CDKN2B-AS1: variants seen among roughly 807,000 people sequenced by gnomAD.
The protein encoded by CDKN2B-AS1 is CDKN2B and CDKN2A antisense cis and trans regulatory RNA 1.
At chr9:22,078,843 T>C (rs1312304920) in intron 4 of CDKN2B-AS1, among the ~76,000 whole-genome samples, 1 of 152,228 alleles carries the variant, frequency 6.6e-6, no homozygotes, top group East Asian at 1.9e-4. Context: ...ATGCAGAGTT[T>C]TGAAACTCTT....
At chr9:22,059,225 G>A (rs1823702003) in intron 4 of CDKN2B-AS1, among the ~76,000 whole-genome samples, 1 of 152,200 alleles carries the variant, frequency 6.6e-6, no homozygotes, top group Admixed American at 6.5e-5. Context: ...TCTGAGACAA[G>A]GGTAGTCCCT....
intron 1 of CDKN2B-AS1, chr9:22,012,172 G>A (rs1001733234): frequency 7.3e-7 from 1 of 1,360,600 alleles, no homozygotes; most frequent in Non-Finnish European, 1.0e-6. Context: ...TCTTTGTGAA[G>A]ACCCTCACGG....
At chr9:22,125,175 T>C (rs1399113652) in intron 4 of CDKN2B-AS1, among the ~76,000 whole-genome samples, 1 of 152,222 alleles carries the variant, frequency 6.6e-6, no homozygotes, top group Non-Finnish European at 1.5e-5. Context: ...TAAATGCCTT[T>C]GGCTATCAGG....
At chr9:22,045,168 G>T (rs562322996) in intron 1 of CDKN2B-AS1, among the ~76,000 whole-genome samples, 1 of 151,612 alleles carries the variant, frequency 6.6e-6, no homozygotes. Flanking sequence ...AATAGGAGAA[G>T]GGGAAATATG....
intron 4 of CDKN2B-AS1, among the ~76,000 whole-genome samples, chr9:22,126,879 A>G (rs1364131800): frequency 6.6e-6 from 1 of 151,916 alleles, no homozygotes; most frequent in Admixed American, 6.6e-5. Flanking sequence ...TCTAAGGAGT[A>G]TCGAGAACAG....
intron 4 of CDKN2B-AS1, among the ~76,000 whole-genome samples, chr9:22,063,516 T>A (rs1172161409): frequency 6.6e-6 from 1 of 152,116 alleles, no homozygotes; most frequent in Non-Finnish European, 1.5e-5. Context: ...AGAGACCATA[T>A]GTTTGTTGTG....
At chr9:22,018,340 A>G (rs1821868304) in intron 1 of CDKN2B-AS1, among the ~76,000 whole-genome samples, 1 of 149,146 alleles carries the variant, frequency 6.7e-6, no homozygotes, top group African/African-American at 2.5e-5. Flanking sequence ...CTTTGACTGA[A>G]GCCATACTTA....
chr9:22,037,644 C>T (rs1822743937), intron 1 of CDKN2B-AS1, among the ~76,000 whole-genome samples: 1 of 151,996 alleles, frequency 6.6e-6, no homozygotes, highest in Admixed American at 6.6e-5. Context: ...AGACATTTTC[C>T]AGTCATATTT....
chr9:22,089,689 A>T (rs1824999743), intron 4 of CDKN2B-AS1, among the ~76,000 whole-genome samples: 2 of 151,830 alleles, frequency 1.3e-5, no homozygotes, highest in Admixed American at 6.6e-5. Flanking sequence ...GGCTCAAGTG[A>T]TCCTCCTACC....
At chr9:22,083,098 G>C (rs1824753905) in intron 4 of CDKN2B-AS1, among the ~76,000 whole-genome samples, 1 of 152,198 alleles carries the variant, frequency 6.6e-6, no homozygotes, top group African/African-American at 2.4e-5. Context: ...CTTGTTATAT[G>C]CCATGCCCTG....
intron 1 of CDKN2B-AS1, among the ~76,000 whole-genome samples, chr9:22,014,539 T>A (rs1821655958): frequency 6.6e-6 from 1 of 152,172 alleles, no homozygotes; most frequent in Non-Finnish European, 1.5e-5. Flanking sequence ...AAAGACAGGA[T>A]AAACCACTAG....
At chr9:22,069,046 T>C (rs1824180584) in intron 4 of CDKN2B-AS1, among the ~76,000 whole-genome samples, 1 of 152,244 alleles carries the variant, frequency 6.6e-6, no homozygotes, top group East Asian at 1.9e-4. Context: ...GTTAGTCCCC[T>C]GTCATTGCAT....
intron 4 of CDKN2B-AS1, among the ~76,000 whole-genome samples, chr9:22,061,077 T>C (rs548421406): frequency 3.0e-4 from 46 of 152,320 alleles, no homozygotes; most frequent in African/African-American, 1.1e-3. Context: ...AATTAATATC[T>C]GGTCTGGAAG....
upstream of CDKN2B-AS1, chr9:21,995,130 G>T (rs1459903529): frequency 6.6e-6 from 1 of 152,182 alleles, no homozygotes; most frequent in Non-Finnish European, 1.5e-5. The surrounding 1 kb of genome is among the most constrained non-coding windows in gnomAD (Gnocchi z 5.7). Flanking sequence ...TGGCGCTGCC[G>T]GAGCTGTCGA....
intron 1 of CDKN2B-AS1, among the ~76,000 whole-genome samples, chr9:22,044,889 A>T (rs1434728277): frequency 6.6e-6 from 1 of 151,620 alleles, no homozygotes; most frequent in Non-Finnish European, 1.5e-5. Context: ...AACCTTTTTG[A>T]CTCTCTCCTA....
chr9:22,008,812 T>C (rs773567747), intron 1 of CDKN2B-AS1: 1 of 1,605,478 alleles, frequency 6.2e-7, no homozygotes, highest in Admixed American at 1.7e-5. Context: ...ATCGCGCGCC[T>C]CCCGAAACGG....
chr9:22,020,295 T>C lies in CDKN2B-AS1; in HGVS notation n.29+25134T>C, dbSNP rs536362138. Among the ~76,000 whole-genome samples, 3 of 152,364 alleles carry C rather than the reference T, an allele frequency of 2.0e-5. No homozygotes were observed. The South Asian group carries it at 6.2e-4, about 32-fold the overall frequency. ...TATCACTGATGGGCATTTATGTTGA[T>C]TCAATTTTTTTTGGCTATTGTGAAT... On this transcript the variant is annotated intron_variant and non_coding_transcript_variant, in intron 1 of 4. Transcript: ENST00000650946.
intron 1 of CDKN2B-AS1, among the ~76,000 whole-genome samples, chr9:22,037,173 A>T (rs1286183160): frequency 1.3e-5 from 2 of 152,102 alleles, no homozygotes; most frequent in Non-Finnish European, 2.9e-5. Flanking sequence ...TGTGTTAGAG[A>T]AATCATACAT....
At chr9:22,084,963 C>A (rs992547065) in intron 4 of CDKN2B-AS1, among the ~76,000 whole-genome samples, 12 of 152,104 alleles carry the variant, frequency 7.9e-5, no homozygotes, top group African/African-American at 2.9e-4. Context: ...TCTAAGATAA[C>A]ACGAACACCC....
Sources: allele counts gnomAD v4.1 joint callset (sites outside exome capture counted in the v4.1 genomes callset), GRCh38; gene constraint gnomAD v4.1.1; non-coding constraint Gnocchi (gnomAD v3.1); transcripts MANE v1.5; gene names NCBI Gene and HGNC (gene_info 2026-07-23, HGNC 2026-07-21).